Variants in USP47 observed in about 807,000 individuals in gnomAD.
USP47 encodes the protein ubiquitin specific peptidase 47.
USP47 carries 35 observed loss-of-function variants against 165.1 expected under a neutral mutation model. That is an observed-to-expected ratio of 0.21 (90% CI 0.16 to 0.28). The LOEUF is 0.28. USP47 is among the 10% of genes least tolerant of loss of function. The pLI is 1.00. For synonymous variants in USP47, 531 were observed against 544.5 expected, an observed-to-expected ratio of 0.98 and a Z score of 0.35; for missense variants, 1,277 against 1,607.4, an observed-to-expected ratio of 0.79 and a Z score of 3.52.
intron 1 of USP47, among the ~76,000 whole-genome samples, chr11:11,868,068 A>C (rs1206785636): frequency 1.3e-5 from 2 of 152,220 alleles, no homozygotes; most frequent in African/African-American, 4.8e-5. Flanking sequence ...ATGTTTTATT[A>C]ACTAACTTTC....
intron 8 of USP47, among the ~76,000 whole-genome samples, chr11:11,906,924 A>G (rs1852608797): frequency 6.6e-6 from 1 of 152,194 alleles, no homozygotes; most frequent in African/African-American, 2.4e-5. Context: ...TGGTAGTCCC[A>G]AGTGATATGG....
intron 17 of USP47, among the ~76,000 whole-genome samples, chr11:11,937,261 A>G (rs759109907): frequency 1.3e-5 from 2 of 151,970 alleles, no homozygotes; most frequent in African/African-American, 2.4e-5. Flanking sequence ...TACAAAATCC[A>G]TACTGTTTTG....
Position 11,938,320 on chromosome 11 carries a change from T to C in USP47, c.2141T>C (p.Val714Ala). 1 of 1,612,232 alleles carries C rather than the reference T, an allele frequency of 6.2e-7. No homozygotes were observed. The highest frequency in any genetic ancestry group is 8.5e-7 in the Non-Finnish European group (1 of 1,178,834). Residue 714 changes from valine to alanine, a missense_variant, in exon 18 of 28, where the codon GTT becomes GCT. Val to Ala is a moderately conservative substitution (Grantham distance 64). Coordinates refer to ENST00000527733, the MANE Select transcript of USP47 (RefSeq NM_001282659.2). ...KAESVAAPITVRAYLNQTVTE... is the reference protein window; with the variant it reads ...KAESVAAPITARAYLNQTVTE... The stretch of plus-strand genomic sequence containing the variant: ...GAATCTGTAGCTGCTCCTATAACTG[T>C]TCGTGCTTACTTAAATCAGACAGTT...
intron 22 of USP47, 83 bp from the exon 23 acceptor site, chr11:11,949,806 T>A: frequency 1.1e-6 from 1 of 909,516 alleles, no homozygotes; most frequent in Non-Finnish European, 1.6e-6. Flanking sequence ...ATAAAATGTT[T>A]TGGTAATTTT....
In USP47 at chr11:11,842,011, G is replaced by A. The variant is rs913948508; in HGVS notation, c.-175G>A. 2 of 681,690 alleles carry A rather than the reference G, an allele frequency of 2.9e-6. No individual in the cohort carries two copies. Among genetic ancestry groups the A allele is most frequent in the African/African-American group, 1.9e-5 (1 of 52,904 alleles). The allele number at this position is 681,690 out of a possible 1,614,324, so 42.2% of individuals were successfully genotyped here. A position where few individuals can be genotyped will look rare whatever the true frequency, so the allele number is the denominator to read the frequency against. ...TGGTAGCGGCGGCGGCGGCGGCGGA[G>A]CCCTGGGTCGGTGTCTGCGCGCTGG... On this transcript the variant is annotated 5_prime_UTR_variant, in exon 1 of 28. Transcript: ENST00000527733.
At chr11:11,871,839 GT>G (rs1262451135) in intron 1 of USP47, among the ~76,000 whole-genome samples, 1 of 152,148 alleles carries the variant, frequency 6.6e-6, no homozygotes, top group African/African-American at 2.4e-5. Flanking sequence ...AGCCTAGAAG[GT>G]GGCTTACCTT....
intron 1 of USP47, among the ~76,000 whole-genome samples, chr11:11,857,282 G>A (rs1849102267): frequency 6.6e-6 from 1 of 151,758 alleles, no homozygotes; most frequent in African/African-American, 2.4e-5. Flanking sequence ...TACTTGTATT[G>A]CCTTTAAGTT....
At chr11:11,857,015 T>C (rs1183476381) in intron 1 of USP47, among the ~76,000 whole-genome samples, 1 of 152,122 alleles carries the variant, frequency 6.6e-6, no homozygotes, top group Non-Finnish European at 1.5e-5. Flanking sequence ...TGTCTTTAAT[T>C]TGAGAATTAA....
chr11:11,887,090 T>A (rs1410753034), intron 3 of USP47, among the ~76,000 whole-genome samples: 1 of 151,984 alleles, frequency 6.6e-6, no homozygotes, highest in Non-Finnish European at 1.5e-5. Flanking sequence ...AAGCACTAAA[T>A]ATGGGAAGGA....
chr11:11,855,366 T>C (rs1183635781), intron 1 of USP47, among the ~76,000 whole-genome samples: 1 of 152,092 alleles, frequency 6.6e-6, no homozygotes, highest in Non-Finnish European at 1.5e-5. Context: ...GTAGAACTAG[T>C]TGACATGGAT....
intron 6 of USP47, 151 bp downstream of exon 6, chr11:11,903,011 C>G: frequency 2.2e-6 from 2 of 903,610 alleles, no homozygotes; most frequent in Non-Finnish European, 3.2e-6. Context: ...TTTCATAACT[C>G]TACAATGAAA....
chr11:11,950,515 T>C lies in USP47; in HGVS notation c.3583+33T>C, dbSNP rs777494236. The C allele has an allele frequency of 7.9e-6, 11 of 1,389,784 alleles. No homozygotes were observed. In the East Asian group the frequency reaches 2.1e-4, roughly 26 times the overall value. The allele number at this position is 1,389,784 out of a possible 1,614,324, so 86.1% of individuals were successfully genotyped here. A position where few individuals can be genotyped will look rare whatever the true frequency, so the allele number is the denominator to read the frequency against. On this transcript the variant is annotated intron_variant, in intron 24 of 27. Coordinates refer to ENST00000527733, the MANE Select transcript of USP47 (RefSeq NM_001282659.2). Reference sequence around the variant, plus strand: ...CAATATTTTTGGGGGGAAGTATCAGTTAGAAATACTCTAGAACTAATAGAA... The same window carrying C: ...CAATATTTTTGGGGGGAAGTATCAGCTAGAAATACTCTAGAACTAATAGAA...
chr11:11,879,785 A>G (rs1342290828), intron 1 of USP47, among the ~76,000 whole-genome samples: 1 of 152,050 alleles, frequency 6.6e-6, no homozygotes, highest in African/African-American at 2.4e-5. Flanking sequence ...ACCCAGAAAT[A>G]TTTGATTTGA....
chr11:11,914,493 GT>G (rs1284661506), intron 8 of USP47, among the ~76,000 whole-genome samples: 1 of 152,126 alleles, frequency 6.6e-6, no homozygotes, highest in Non-Finnish European at 1.5e-5. Context: ...TAAGCAAAGA[GT>G]TTTTAGATTT....
In USP47 at chr11:11,949,912, T is replaced by G. The variant is rs1157102643; in HGVS notation, c.3372T>G (p.Ala1124=). ...AGCCATGCAAGTTTCTGCTAGATGC[T>G]GTGTTTGCTAAAGGAATGACTGTAC... is the stretch of plus-strand genomic sequence containing the variant. ...EQEPCKFLLD[A]VFAKGMTVRQ... Residue 1124 remains alanine, a synonymous_variant, in exon 23 of 28, where the codon GCT becomes GCG. Transcript: ENST00000527733. The G allele has an allele frequency of 4.3e-6, 7 of 1,612,326 alleles. No individual in the cohort carries two copies. The South Asian group carries it at 6.6e-5, about 15-fold the overall frequency.
intron 4 of USP47, among the ~76,000 whole-genome samples, chr11:11,896,430 G>A (rs1851851799): frequency 1.3e-5 from 2 of 152,192 alleles, no homozygotes; most frequent in South Asian, 2.1e-4. Flanking sequence ...AAATCCCAGA[G>A]CAGCCTCAGC....
At chr11:11,844,022 A>G (rs1169342226) in intron 1 of USP47, among the ~76,000 whole-genome samples, 4 of 151,700 alleles carry the variant, frequency 2.6e-5, no homozygotes, top group African/African-American at 9.7e-5. Context: ...CTTACCTTTT[A>G]TAGCTAGCCA....
At position 11,948,036 on chromosome 11, in the gene USP47, G is replaced by A; in HGVS notation, c.3183G>A (p.Lys1061=). ...PFVGVLSSHF[K]VFRVYASNQE... is the part of the protein sequence containing the mutation. ...TTGGAGTTTTGTCCTCTCACTTCAA[G>A]GTCTTTCGAGTGTATGCCAGCAATC... Residue 1061 remains lysine, a synonymous_variant, in exon 21 of 28, where the codon AAG becomes AAA. Coordinates refer to ENST00000527733, the MANE Select transcript of USP47 (RefSeq NM_001282659.2). The A allele has an allele frequency of 6.2e-7, 1 of 1,613,652 alleles. No homozygotes were observed. The highest frequency in any genetic ancestry group is 1.1e-5 in the South Asian group (1 of 91,044).
chr11:11,946,879 C>G (rs1855880560), intron 20 of USP47, among the ~76,000 whole-genome samples: 1 of 152,120 alleles, frequency 6.6e-6, no homozygotes. Flanking sequence ...TATTTTATAG[C>G]CAGGAAAACA....
Sources: gnomAD v4.1 joint callset for allele counts (sites outside exome capture counted in the v4.1 genomes callset) on GRCh38, gnomAD v4.1.1 for gene constraint, MANE v1.5 for transcripts, NCBI Gene and HGNC (gene_info 2026-07-23, HGNC 2026-07-21) for gene names.